The following ZNF280C variants were observed in gnomAD, a reference collection of about 807,000 sequenced individuals.
ZNF280C encodes suppressor of hairy wing homolog 3.
ZNF280C carries 14 observed loss-of-function variants against 53.6 expected under a neutral mutation model. The observed-to-expected ratio is 0.26, with a 90% CI of 0.17 to 0.41. The LOEUF is 0.41. Among genes scored for constraint, ZNF280C ranks in the 10% least tolerant of loss-of-function variants. The pLI is 1.00. For missense variants in ZNF280C, 416 were observed against 547.1 expected, an observed-to-expected ratio of 0.76 and a Z score of 2.39; for synonymous variants, 203 against 181.1, an observed-to-expected ratio of 1.12 and a Z score of -0.97.
intron 15 of ZNF280C, among the ~76,000 whole-genome samples, chrX:130,213,763 G>A (rs1176213355): frequency 9.0e-6 from 1 of 111,367 alleles, no homozygotes; most frequent in Non-Finnish European, 1.9e-5. Flanking sequence ...AGCAGAAAGG[G>A]ATGTAAAGTG....
chrX:130,230,748 G>A (rs778879783), intron 8 of ZNF280C, 21 bp from the exon 9 acceptor site: 1 of 1,046,525 alleles, frequency 9.6e-7, no homozygotes, highest in Non-Finnish European at 1.3e-6. Flanking sequence ...AAAAAAATAT[G>A]AGCCTTGTCT....
chrX:130,264,648 T>C (rs192164551), intron 1 of ZNF280C, among the ~76,000 whole-genome samples: 2 of 110,864 alleles, frequency 1.8e-5, no homozygotes, highest in African/African-American at 6.5e-5. Flanking sequence ...AACCTTGCTA[T>C]TATTTATATA....
chrX:130,225,298 T>C (rs975925641), intron 12 of ZNF280C, among the ~76,000 whole-genome samples: 1 of 110,647 alleles, frequency 9.0e-6, no homozygotes, highest in Non-Finnish European at 1.9e-5. Flanking sequence ...CTTTTCAAAA[T>C]TGAAGGCCAA....
Position 130,220,507 on chromosome X carries a change from T to TA in ZNF280C, c.1396-28dup, listed in dbSNP as rs1226820387. The TA allele has an allele frequency of 2.6e-6, 3 of 1,158,835 alleles. No homozygotes were observed. The Admixed American group carries it at 7.9e-5, about 31-fold the overall frequency. ...TGTTTACAGAAAATATTAGATATAATAACTTCCACCACCACAAATCCTAGG... is the reference window on the plus strand; with the variant it reads ...TGTTTACAGAAAATATTAGATATAATAAACTTCCACCACCACAAATCCTAGG... On this transcript the variant is annotated intron_variant, in intron 12 of 18. Coordinates refer to ENST00000370978, the MANE Select transcript of ZNF280C (RefSeq NM_017666.5).
chrX:130,237,465 A>G (rs1188684441), intron 6 of ZNF280C, among the ~76,000 whole-genome samples: 1 of 111,700 alleles, frequency 9.0e-6, no homozygotes, highest in African/African-American at 3.2e-5. Flanking sequence ...CCACCACCTT[A>G]AAGACCAAAG....
Position 130,239,709 on chromosome X carries a change from ATTATT to A in ZNF280C, c.382-21_382-17del, listed in dbSNP as rs1425173006. ...TTGTAAAATCCTGTAAAAATTTATA[ATTATT>A]TTGTTTCATAAACTTTTATAGAGAT... is the stretch of plus-strand genomic sequence containing the variant. On this transcript the variant is annotated splice_polypyrimidine_tract_variant and intron_variant, in intron 5 of 18. Transcript: ENST00000370978. The A allele has an allele frequency of 2.2e-5, 22 of 1,009,701 alleles. No homozygotes were observed. Among genetic ancestry groups the A allele is most frequent in the Non-Finnish European group, 2.9e-5 (21 of 722,470 alleles). 83.2% of individuals were successfully genotyped at this position (1,009,701 alleles called of 1,213,427 possible).
intron 8 of ZNF280C, 87 bp from the exon 9 acceptor site, chrX:130,230,814 G>A (rs2032269340): frequency 8.3e-6 from 5 of 601,606 alleles, no homozygotes; most frequent in Non-Finnish European, 1.3e-5. Context: ...TCTAAGGTCA[G>A]ATGATATAAA....
Position 130,215,886 on chromosome X carries a change from C to T in ZNF280C, c.1743G>A (p.Arg581=). Residue 581 remains arginine, a synonymous_variant, in exon 14 of 19, where the codon AGG becomes AGA. Transcript: ENST00000370978. ...TTGCTTTGGACTTAGCTATACGTCCCCTTGGCTTACTTGTATTAACTTTAC... is the reference window on the plus strand; with the variant it reads ...TTGCTTTGGACTTAGCTATACGTCCTCTTGGCTTACTTGTATTAACTTTAC... The part of the protein sequence containing the change: ...TASKVNTSKP[R]GRIAKSKAKP... 1 of 1,210,977 alleles carries T rather than the reference C, an allele frequency of 8.3e-7. No homozygotes were observed. Among genetic ancestry groups the T allele is most frequent in the Non-Finnish European group, 1.1e-6 (1 of 894,983 alleles).
chrX:130,247,890 T>C (rs755644089), intron 2 of ZNF280C, among the ~76,000 whole-genome samples: 1 of 108,382 alleles, frequency 9.2e-6, no homozygotes, highest in East Asian at 2.9e-4. Context: ...CAGGACAGAT[T>C]AGACATTTCT....
At position 130,207,428 on chromosome X, in the gene ZNF280C, C is replaced by T. The variant is rs2031987849; in HGVS notation, c.2043-2013G>A. Reference sequence around the variant, plus strand: ...AGGCTGGAGTGCAGTGGCGCGATCTCGGCTCACTGTAACCTCCACCTCCCG... The same window carrying T: ...AGGCTGGAGTGCAGTGGCGCGATCTTGGCTCACTGTAACCTCCACCTCCCG... On this transcript the variant is annotated intron_variant, in intron 16 of 18. Transcript: ENST00000370978. Among the ~76,000 whole-genome samples, 3 of 111,534 alleles carry T rather than the reference C, an allele frequency of 2.7e-5. 1 individual carries two copies. The South Asian group carries it at 1.1e-3, about 42-fold the overall frequency.
intron 2 of ZNF280C, among the ~76,000 whole-genome samples, chrX:130,249,647 G>GA (rs1189611315): frequency 9.0e-6 from 1 of 111,473 alleles, no homozygotes; most frequent in Non-Finnish European, 1.9e-5. Context: ...TCAGGTAGAA[G>GA]AAAAAAATAA....
chrX:130,263,061 C>A (rs769706957), intron 1 of ZNF280C, among the ~76,000 whole-genome samples: 51 of 112,307 alleles, frequency 4.5e-4, no homozygotes, highest in Non-Finnish European at 8.3e-4. Flanking sequence ...GACAGATAAT[C>A]ACAAGTGTTG....
intron 2 of ZNF280C, among the ~76,000 whole-genome samples, chrX:130,257,518 T>C (rs769077664): frequency 3.2e-4 from 36 of 111,391 alleles, no homozygotes; most frequent in South Asian, 7.5e-4. Context: ...ATGGCAAAAC[T>C]TGATGATTCA....
chrX:130,208,460 A>C (rs2032004157), intron 16 of ZNF280C, among the ~76,000 whole-genome samples: 1 of 111,086 alleles, frequency 9.0e-6, no homozygotes, highest in African/African-American at 3.3e-5. Context: ...TTTTCTATTC[A>C]GATGTGAGAT....
At chrX:130,228,907 T>G in intron 10 of ZNF280C, 70 bp downstream of exon 10, 1 of 1,002,859 alleles carries the variant, frequency 1.0e-6, no homozygotes, top group South Asian at 3.4e-5. Context: ...GCCAGAATTT[T>G]TAAGGTTTCC....
Position 130,221,152 on chromosome X carries a change from T to C in ZNF280C, c.1396-672A>G, listed in dbSNP as rs755875808. On this transcript the variant is annotated intron_variant, in intron 12 of 18. Transcript: ENST00000370978. ...TCTTTACAAAGTTCAAAGCAATATA[T>C]AAAGATAAGGTGTTTGCATTACTAT... 3.6e-5 allele frequency among the ~76,000 whole-genome samples: 4 copies of C among 111,418 alleles called. No homozygotes were observed. In the South Asian group the frequency reaches 1.1e-3, roughly 31 times the overall value.
Position 130,243,697 on chromosome X carries a change from T to G in ZNF280C, c.247A>C (p.Ile83Leu). 8.3e-7 allele frequency: 1 copy of G among 1,201,949 alleles called. No homozygotes were observed. Among genetic ancestry groups the G allele is most frequent in the Non-Finnish European group, 1.1e-6 (1 of 890,758 alleles). The part of the protein sequence containing the change: ...GIKSEPHSPG[I>L]PEIFRTASQR... Reference sequence around the variant, plus strand: ...CTTGCAGTCCTGAATATTTCAGGAATACCTGTATTTTAAAATTATACAACA... The same window carrying G: ...CTTGCAGTCCTGAATATTTCAGGAAGACCTGTATTTTAAAATTATACAACA... Residue 83 changes from isoleucine to leucine, a missense_variant and splice_region_variant, in exon 5 of 19, where the codon ATT (isoleucine) becomes CTT (leucine). Ile to Leu is a conservative substitution (Grantham distance 5). Transcript: ENST00000370978.
At chrX:130,218,489 G>A (rs1489998416) in intron 13 of ZNF280C, among the ~76,000 whole-genome samples, 1 of 112,130 alleles carries the variant, frequency 8.9e-6, no homozygotes, top group Non-Finnish European at 1.9e-5. Flanking sequence ...GTTAATAATA[G>A]AAAAGTCATC....
In ZNF280C at chrX:130,247,615, C is replaced by G. The variant is rs138550709; in HGVS notation, c.32-610G>C. ...GATAATGAAGGATAGTAGTCATTTA[C>G]AGTGGCCAATACATTTTAGGATCAA... is the stretch of plus-strand genomic sequence containing the variant. On this transcript the variant is annotated intron_variant, in intron 2 of 18. Transcript: ENST00000370978. Among the ~76,000 whole-genome samples the G allele has an allele frequency of 1.3e-4, 14 of 111,761 alleles. No homozygotes were observed. In the East Asian group the frequency reaches 3.9e-3, roughly 31 times the overall value.
Sources: allele counts gnomAD v4.1 joint callset (sites outside exome capture counted in the v4.1 genomes callset), GRCh38; gene constraint gnomAD v4.1.1; transcripts MANE v1.5; gene names NCBI Gene and HGNC (gene_info 2026-07-23, HGNC 2026-07-21).